Variants in MINK1 observed in about 807,000 individuals in gnomAD.
MINK1 encodes the protein misshapen-like kinase 1.
MINK1 carries 46 observed loss-of-function variants against 178.4 expected under a neutral mutation model. That is an observed-to-expected ratio of 0.26 (90% CI 0.20 to 0.33). MINK1 has a LOEUF of 0.33. Ranked by LOEUF, MINK1 falls within the 10% of genes least tolerant of loss-of-function variation. The pLI, the probability that MINK1 is intolerant of heterozygous loss-of-function variation, is 1.00. For synonymous variants in MINK1, 797 were observed against 709.7 expected (o/e 1.12, Z -1.96); for missense variants, 1,366 against 1,814.9 (o/e 0.75, Z 4.49).
intron 1 of MINK1, among the ~76,000 whole-genome samples, chr17:4,848,036 GGA>G (rs1011521172): frequency 7.9e-4 from 120 of 152,178 alleles, no homozygotes; most frequent in African/African-American, 2.7e-3. Context: ...GAGAGATGGG[GGA>G]GAGAGAGGAA....
Position 4,894,443 on chromosome 17 carries a change from C to T in MINK1, c.2809-82C>T. Reference sequence around the variant, plus strand: ...GACAGCGGGGGTGCCAGTTGGGGAGCTGGAGCCTGGGGAACAGCAGCAGGG... The same window carrying T: ...GACAGCGGGGGTGCCAGTTGGGGAGTTGGAGCCTGGGGAACAGCAGCAGGG... On this transcript the variant is annotated intron_variant, in intron 23 of 31. Transcript: ENST00000355280. This position sits in a 1 kb window ranked among gnomAD's most constrained non-coding sequence, Gnocchi z 4.1. The T allele has an allele frequency of 6.6e-7, 1 of 1,518,988 alleles. No homozygotes were observed. The highest frequency in any genetic ancestry group is 8.9e-7 in the Non-Finnish European group (1 of 1,118,354). 94.1% of individuals were successfully genotyped at this position (1,518,988 alleles called of 1,614,324 possible). A position where few individuals can be genotyped will look rare whatever the true frequency, so the allele number is the denominator to read the frequency against.
intron 1 of MINK1, among the ~76,000 whole-genome samples, chr17:4,844,071 A>T (rs1192081311): frequency 6.6e-6 from 1 of 152,040 alleles, no homozygotes; most frequent in Non-Finnish European, 1.5e-5. Context: ...GGTGCGATCT[A>T]GGCTCACTGC....
At chr17:4,837,469 G>T (rs1052278930) in intron 1 of MINK1, among the ~76,000 whole-genome samples, 16 of 152,214 alleles carry the variant, frequency 1.1e-4, no homozygotes, top group Admixed American at 9.2e-4. Context: ...TTTAGAATCA[G>T]ACCTTGTCTG....
chr17:4,882,856 C>T (rs1597516905), intron 4 of MINK1: 1 of 152,158 alleles, frequency 6.6e-6, no homozygotes, highest in South Asian at 2.1e-4. Flanking sequence ...CGCAATGGCT[C>T]AAGCCTGTAA....
chr17:4,849,153 G>A (rs1486740496), intron 1 of MINK1, among the ~76,000 whole-genome samples: 1 of 152,142 alleles, frequency 6.6e-6, no homozygotes, highest in Non-Finnish European at 1.5e-5. Flanking sequence ...ACCATCTCCT[G>A]AAAGTCTTCC....
chr17:4,895,061 CCTCCTT>C lies in MINK1; in HGVS notation c.2918-11_2918-6del. ...GCTGCAGCCCCTCCTCCCACCTCCT[CCTCCTT>C]CTGGCAGCCCTAGTGGGTGGAGAGG... On this transcript the variant is annotated splice_region_variant and splice_polypyrimidine_tract_variant and intron_variant, in intron 24 of 31. Transcript: ENST00000355280. The surrounding 1 kb of genome is among the most constrained non-coding windows in gnomAD (Gnocchi z 4.3). 1 of 1,612,756 alleles carries C rather than the reference CCTCCTT, an allele frequency of 6.2e-7. No individual in the cohort carries two copies. The highest frequency in any genetic ancestry group is 1.1e-5 in the South Asian group (1 of 91,070).
intron 1 of MINK1, among the ~76,000 whole-genome samples, chr17:4,840,005 A>G (rs1199683237): frequency 6.7e-6 from 1 of 149,858 alleles, no homozygotes; most frequent in Non-Finnish European, 1.5e-5. Context: ...CATGATAAGG[A>G]CTGTAGTGAA....
chr17:4,878,609 C>T (rs1967415531), intron 2 of MINK1, among the ~76,000 whole-genome samples: 1 of 152,162 alleles, frequency 6.6e-6, no homozygotes, highest in South Asian at 2.1e-4. Flanking sequence ...ATGGTGGGAA[C>T]AGGCCAGCAG....
intron 2 of MINK1, among the ~76,000 whole-genome samples, chr17:4,879,977 C>G (rs983133553): frequency 1.3e-5 from 2 of 152,138 alleles, no homozygotes; most frequent in Non-Finnish European, 2.9e-5. Context: ...AGGCAAAGCC[C>G]CTCCCTCCCT....
chr17:4,895,411 C>T lies in MINK1; in HGVS notation c.3147C>T (p.Gly1049=), dbSNP rs777581824. Residue 1049 remains glycine (G), a synonymous_variant, in exon 26 of 32, where the codon GGC becomes GGT. Coordinates refer to ENST00000355280, the MANE Select transcript of MINK1 (RefSeq NM_153827.5). This position sits in a 1 kb window ranked among gnomAD's most constrained non-coding sequence, Gnocchi z 4.3. ...GLMLLDRSGQ[G]KVYGLIGRRR... ...TGTTGCTGGACCGAAGTGGGCAGGG[C>T]AAGGTGTATGGACTCATTGGGCGGC... 2 of 1,610,914 alleles carry T rather than the reference C, an allele frequency of 1.2e-6. No homozygotes were observed. Among genetic ancestry groups the T allele is most frequent in the African/African-American group, 1.3e-5 (1 of 74,834 alleles).
rs993962801 is a variant in MINK1 at position 4,889,569 on chromosome 17, T to TC, written c.1231-74dup. The TC allele has an allele frequency of 1.4e-5, 17 of 1,209,214 alleles. No individual in the cohort carries two copies. The African/African-American group carries it at 1.8e-4, about 13-fold the overall frequency. The allele number at this position is 1,209,214 out of a possible 1,614,324, so 74.9% of individuals were successfully genotyped here. On this transcript the variant is annotated intron_variant, in intron 12 of 31. Transcript: ENST00000355280. ...ACCCTCCGTGGTGAGCAAGGAGGGCTCCCCTCCCTGTCCATGGAGGGGCAG... is the reference window on the plus strand; with the variant it reads ...ACCCTCCGTGGTGAGCAAGGAGGGCTCCCCCTCCCTGTCCATGGAGGGGCAG...
chr17:4,839,852 A>C (rs549086406), intron 1 of MINK1, among the ~76,000 whole-genome samples: 1 of 152,136 alleles, frequency 6.6e-6, no homozygotes, highest in South Asian at 2.1e-4. Context: ...GTTCTGTTTG[A>C]GGAAAGATCT....
chr17:4,889,741 G>C lies in MINK1; in HGVS notation c.1325G>C (p.Arg442Pro). Residue 442 changes from arginine (R) to proline (P), a missense_variant, in exon 13 of 32, where the codon CGG becomes CCG. By Grantham distance (103) the Arg-to-Pro change is moderately radical. This residue lies in a region of MINK1 where 87 missense variants were observed against 78.9 expected (regional missense o/e 1.10). Transcript: ENST00000355280. ...DMQALRREEE[R>P]RQAEREQEYK... ...CAGGCTCTGCGGCGGGAGGAGGAGC[G>C]GCGGCAGGCGGAGCGCGAGCAGGTA... 1 of 1,543,398 alleles carries C rather than the reference G, an allele frequency of 6.5e-7. No individual in the cohort carries two copies. The highest frequency in any genetic ancestry group is 8.7e-7 in the Non-Finnish European group (1 of 1,147,370).
rs558723395 is a variant in MINK1 at position 4,895,331 on chromosome 17, C to G, written c.3086-19C>G. Reference sequence around the variant, plus strand: ...GGGCCTGGCTGAGCCTCTGACCTGCCCAAGGGCTCCTGTTGCAGGGGTCAA... The same window carrying G: ...GGGCCTGGCTGAGCCTCTGACCTGCGCAAGGGCTCCTGTTGCAGGGGTCAA... On this transcript the variant is annotated intron_variant, in intron 25 of 31. Transcript: ENST00000355280. This position sits in a 1 kb window ranked among gnomAD's most constrained non-coding sequence, Gnocchi z 4.3. The G allele has an allele frequency of 3.4e-5, 55 of 1,603,094 alleles. No individual in the cohort carries two copies. In the Admixed American group the frequency reaches 8.3e-4, roughly 24 times the overall value.
At position 4,881,029 on chromosome 17, in the gene MINK1, G is replaced by A; in HGVS notation, c.169G>A (p.Asp57Asn). 6.5e-7 allele frequency: 1 copy of A among 1,531,594 alleles called. No individual in the cohort carries two copies. Among genetic ancestry groups the A allele is most frequent in the South Asian group, 1.2e-5 (1 of 83,092 alleles). 94.9% of individuals were successfully genotyped at this position (1,531,594 alleles called of 1,614,324 possible). ...TGQLAAIKVM[D>N]VTEDEEEEIK... Reference sequence around the variant, plus strand: ...GCAGCTGGCTGCCATCAAGGTCATGGATGTCACGGAGGTAGGGAGTGGAGC... The same window carrying A: ...GCAGCTGGCTGCCATCAAGGTCATGAATGTCACGGAGGTAGGGAGTGGAGC... Residue 57 changes from aspartate to asparagine, a missense_variant, in exon 3 of 32, where the codon GAT (aspartate) becomes AAT (asparagine). Around this residue, in one of 14 missense-constraint regions of MINK1, gnomAD observed 109 missense variants for 369.4 expected, o/e 0.30. Transcript: ENST00000355280.
rs1968169657 is a variant in MINK1 at position 4,886,078 on chromosome 17, C to T, written c.695-42C>T. 1.2e-6 allele frequency: 2 copies of T among 1,611,442 alleles called. No individual in the cohort carries two copies. The highest frequency in any genetic ancestry group is 1.7e-6 in the Non-Finnish European group (2 of 1,177,640). ...TGCCGAGGAAGGGTCCTGTAGCTCCCAGTGCAGTGAAAGGGACTGAGGGTG... is the reference window on the plus strand; with the variant it reads ...TGCCGAGGAAGGGTCCTGTAGCTCCTAGTGCAGTGAAAGGGACTGAGGGTG... On this transcript the variant is annotated intron_variant, in intron 8 of 31. Coordinates refer to ENST00000355280, the MANE Select transcript of MINK1 (RefSeq NM_153827.5). The surrounding 1 kb of genome is among the most constrained non-coding windows in gnomAD (Gnocchi z 6.1).
rs1567608328 is a variant in MINK1, at chr17:4,887,270, G to A, written c.1019+91G>A. 1.5e-6 allele frequency: 2 copies of A among 1,337,438 alleles called. No individual in the cohort carries two copies. Among genetic ancestry groups the A allele is most frequent in the Admixed American group, 2.0e-5 (1 of 50,338 alleles). 82.8% of individuals were successfully genotyped at this position (1,337,438 alleles called of 1,614,324 possible). ...TTGGCTTTGGGGACTCTCAGCCTGG[G>A]GGTGGTGGGCACAGAGAGGTAGAGA... On this transcript the variant is annotated intron_variant, in intron 11 of 31. Coordinates refer to ENST00000355280, the MANE Select transcript of MINK1 (RefSeq NM_153827.5). The surrounding 1 kb of genome is among the most constrained non-coding windows in gnomAD (Gnocchi z 7.6).
Position 4,895,857 on chromosome 17 carries a change from C to T in MINK1, c.3364+25C>T. On this transcript the variant is annotated intron_variant, in intron 27 of 31. Transcript: ENST00000355280. The surrounding 1 kb of genome is among the most constrained non-coding windows in gnomAD (Gnocchi z 4.3). ...GGTGAGGATGTCCCAACAGAGTGGC[C>T]AGCGCATACTTGTTCATGAAGAGAG... 1.2e-6 allele frequency: 2 copies of T among 1,610,660 alleles called. No homozygotes were observed. The highest frequency in any genetic ancestry group is 1.7e-6 in the Non-Finnish European group (2 of 1,178,100).
chr17:4,840,987 T>C (rs1910133614), intron 1 of MINK1, among the ~76,000 whole-genome samples: 2 of 151,960 alleles, frequency 1.3e-5, no homozygotes, highest in African/African-American at 4.8e-5. Context: ...ACGAGCTGCC[T>C]AAGAAACGTG....
Sources: gnomAD v4.1 joint callset for allele counts (sites outside exome capture counted in the v4.1 genomes callset) on GRCh38, gnomAD v4.1.1 for gene constraint, gnomAD v4.1.1 regional missense constraint, Gnocchi (gnomAD v3.1) non-coding constraint, MANE v1.5 for transcripts, NCBI Gene and HGNC (gene_info 2026-07-23, HGNC 2026-07-21) for gene names.